PDE4B: variants seen among roughly 807,000 people sequenced by gnomAD.
The protein encoded by PDE4B is phosphodiesterase 4B.
A neutral mutation model predicts 82.2 loss-of-function variants in PDE4B; 20 were observed. The observed-to-expected ratio is 0.24, with a 90% confidence interval of 0.17 to 0.35. The LOEUF is 0.35. PDE4B is among the 10% of genes least tolerant of loss of function. The pLI is 1.00. For missense variants in PDE4B, 655 were observed against 907.2 expected (o/e 0.72, Z 3.57); for synonymous variants, 320 against 318.9 (o/e 1.00, Z -0.04).
At chr1:66,259,947 A>G (rs1303420172) in intron 6 of PDE4B, among the ~76,000 whole-genome samples, 1 of 152,080 alleles carries the variant, frequency 6.6e-6, no homozygotes, top group Non-Finnish European at 1.5e-5. Flanking sequence ...TCTATATCTC[A>G]GTTTTCTAAT....
chr1:66,176,498 GAAAT>G (rs1646934535), intron 3 of PDE4B, among the ~76,000 whole-genome samples: 1 of 152,148 alleles, frequency 6.6e-6, no homozygotes, highest in Non-Finnish European at 1.5e-5. Context: ...AAGGTTGAAG[GAAAT>G]AAATCTCTTA....
intron 3 of PDE4B, among the ~76,000 whole-genome samples, chr1:66,080,303 C>T (rs965621206): frequency 1.3e-5 from 2 of 152,112 alleles, no homozygotes; most frequent in African/African-American, 4.8e-5. Context: ...ACCAATAGAA[C>T]ATGCCTGTAA....
intron 7 of PDE4B, among the ~76,000 whole-genome samples, chr1:66,284,487 A>G (rs551641021): frequency 1.3e-5 from 2 of 152,272 alleles, no homozygotes; most frequent in East Asian, 3.9e-4. Context: ...AAGAGGGCAG[A>G]CCATGCTCAA....
chr1:66,342,794 A>T (rs749178943), intron 8 of PDE4B, among the ~76,000 whole-genome samples: 4 of 151,984 alleles, frequency 2.6e-5, no homozygotes, highest in Non-Finnish European at 5.9e-5. Flanking sequence ...CTGTAATCCC[A>T]AAACTCTGGG....
chr1:66,264,072 A>G (rs1337476336), intron 6 of PDE4B, among the ~76,000 whole-genome samples: 1 of 152,216 alleles, frequency 6.6e-6, no homozygotes, highest in Non-Finnish European at 1.5e-5. Context: ...AATCAAAGGA[A>G]CTATGTATTG....
At chr1:65,861,045 A>C (rs1242350903) in intron 1 of PDE4B, among the ~76,000 whole-genome samples, 1 of 152,100 alleles carries the variant, frequency 6.6e-6, no homozygotes, top group African/African-American at 2.4e-5. Flanking sequence ...GAAGTGTTTT[A>C]GTTTAATTAG....
At chr1:66,362,980 T>G (rs1433212610) in intron 10 of PDE4B, among the ~76,000 whole-genome samples, 188 bp from the exon 11 acceptor site, 1 of 152,152 alleles carries the variant, frequency 6.6e-6, no homozygotes, top group Non-Finnish European at 1.5e-5. Context: ...TTCAGAAACT[T>G]GTAGCTATCA....
At chr1:65,929,104 C>A in intron 3 of PDE4B, among the ~76,000 whole-genome samples, 1 of 152,196 alleles carries the variant, frequency 6.6e-6, no homozygotes, top group Non-Finnish European at 1.5e-5. Flanking sequence ...TCTAGGGGCC[C>A]GCCGGGACTT....
At chr1:66,008,437 G>A (rs1405618223) in intron 3 of PDE4B, among the ~76,000 whole-genome samples, 15 of 151,958 alleles carry the variant, frequency 9.9e-5, no homozygotes, top group Admixed American at 9.8e-4. Context: ...CCCTTACTGT[G>A]CACTGCATTA....
At chr1:66,153,167 T>C (rs1347326873) in intron 3 of PDE4B, among the ~76,000 whole-genome samples, 1 of 152,176 alleles carries the variant, frequency 6.6e-6, no homozygotes, top group Non-Finnish European at 1.5e-5. Context: ...GCAAAGCTGC[T>C]CTGAAGAAGC....
At chr1:65,805,592 A>G (rs528067384) in intron 1 of PDE4B, among the ~76,000 whole-genome samples, 1 of 151,998 alleles carries the variant, frequency 6.6e-6, no homozygotes, top group East Asian at 1.9e-4. Context: ...TGATTTTTAT[A>G]TCTTCCTGTT....
chr1:66,120,960 G>A (rs1459306523), intron 3 of PDE4B, among the ~76,000 whole-genome samples: 2 of 152,218 alleles, frequency 1.3e-5, no homozygotes, highest in East Asian at 1.9e-4. Context: ...AAATGTATAT[G>A]CCCTTTAATG....
At chr1:66,146,269 C>T (rs1272438952) in intron 3 of PDE4B, among the ~76,000 whole-genome samples, 14 of 148,892 alleles carry the variant, frequency 9.4e-5, no homozygotes, top group Admixed American at 2.7e-4. Context: ...CTGCAAGCTC[C>T]GCCTCCCAGG....
In PDE4B at chr1:66,146,498, T is replaced by G. The variant is rs572604949; in HGVS notation, c.282-100962T>G. Among the ~76,000 whole-genome samples, 17 of 152,206 alleles carry G rather than the reference T, an allele frequency of 1.1e-4. 1 individual carries two copies. The South Asian group carries it at 3.5e-3, about 32-fold the overall frequency. On this transcript the variant is annotated intron_variant, in intron 3 of 16. Coordinates refer to ENST00000341517, the MANE Select transcript of PDE4B (RefSeq NM_002600.4). Reference sequence around the variant, plus strand: ...CGTGCCTGGCCTGGGCAGTGTGATTTTATGGACTTAGTCTACCATGACTTT... The same window carrying G: ...CGTGCCTGGCCTGGGCAGTGTGATTGTATGGACTTAGTCTACCATGACTTT...
At chr1:66,122,905 C>T (rs577395052) in intron 3 of PDE4B, among the ~76,000 whole-genome samples, 59 of 151,704 alleles carry the variant, frequency 3.9e-4, no homozygotes, top group African/African-American at 1.3e-3. Context: ...GGGGTTTCAC[C>T]GCATTGGCCA....
At chr1:65,795,802 G>A (rs988429720) in intron 1 of PDE4B, among the ~76,000 whole-genome samples, 18 of 152,194 alleles carry the variant, frequency 1.2e-4, no homozygotes, top group African/African-American at 4.1e-4. Context: ...TTCCTCAGGT[G>A]TGGATAACAA....
intron 1 of PDE4B, among the ~76,000 whole-genome samples, chr1:65,849,472 T>C (rs532267831): frequency 6.6e-6 from 1 of 152,106 alleles, no homozygotes; most frequent in African/African-American, 2.4e-5. Flanking sequence ...GAGGAGGTGT[T>C]GAAAGAAACT....
intron 4 of PDE4B, chr1:66,257,412 G>C (rs1027963222): frequency 5.5e-6 from 4 of 720,888 alleles, no homozygotes; most frequent in Non-Finnish European, 1.0e-5. Flanking sequence ...ACTTGCAAAT[G>C]CTTTTATGTG....
intron 1 of PDE4B, among the ~76,000 whole-genome samples, chr1:65,911,087 A>G (rs1465868019): frequency 6.6e-6 from 1 of 152,202 alleles, no homozygotes; most frequent in African/African-American, 2.4e-5. Context: ...ACATGAATTT[A>G]TATAGTAAGT....
Sources: gnomAD v4.1 joint callset for allele counts (sites outside exome capture counted in the v4.1 genomes callset) on GRCh38, gnomAD v4.1.1 for gene constraint, MANE v1.5 for transcripts, NCBI Gene and HGNC (gene_info 2026-07-23, HGNC 2026-07-21) for gene names.